CFAP46: variants seen among roughly 807,000 people sequenced by gnomAD.
CFAP46 encodes cilia and flagella associated protein 46.
Under a neutral mutation model 325.7 loss-of-function variants are expected in CFAP46, and 245 were observed. That is an observed-to-expected ratio of 0.75 (90% confidence interval 0.68 to 0.84). CFAP46 has a LOEUF of 0.84. CFAP46 is among the 40% of genes least tolerant of loss of function. The pLI is 0.00. For missense variants in CFAP46, 3,346 were observed against 3,543.0 expected, an observed-to-expected ratio of 0.94 and a Z score of 1.41; for synonymous variants, 1,523 against 1,495.9, an observed-to-expected ratio of 1.02 and a Z score of -0.42.
In CFAP46 at chr10:132,888,439, C is replaced by A. The variant is rs1204320260; in HGVS notation, c.3305-2480G>T. Among the ~76,000 whole-genome samples, 6 of 68,552 alleles carry A rather than the reference C, an allele frequency of 8.8e-5. 1 individual carries two copies. The highest frequency in any genetic ancestry group is 6.8e-4 in the East Asian group (2 of 2,946). The allele number at this position is 68,552 out of a possible 152,430, so 45.0% of individuals were successfully genotyped here. A position where few individuals can be genotyped will look rare whatever the true frequency, so the allele number is the denominator to read the frequency against. On this transcript the variant is annotated intron_variant, in intron 25 of 57. Coordinates refer to ENST00000368586, the MANE Select transcript of CFAP46 (RefSeq NM_001200049.3). ...CCGCCTTCACCCCTGCCGCCTGTAC[C>A]CCTGCCACCTTCACCCCTGCCGCCT...
chr10:132,813,339 TCTGCACACACCTGCCC>T (rs1364610146), intron 54 of CFAP46, among the ~76,000 whole-genome samples: 30 of 40,308 alleles, frequency 7.4e-4, no homozygotes, highest in African/African-American at 2.5e-3. Context: ...AGTGCCACCC[TCTGCACACACCTGCCC>T]CTGCACACAC....
Position 132,808,886 on chromosome 10 carries a change from A to G in CFAP46, c.7683T>C (p.Leu2561=). Residue 2561 remains leucine (L), a synonymous_variant, in exon 58 of 58, where the codon CTT becomes CTC. Transcript: ENST00000368586. The surrounding 1 kb of genome is among the most constrained non-coding windows in gnomAD (Gnocchi z 6.8). ...TTGGAGCAGCAGCAGCTTGTCCTTC[A>G]AGGTCTGAGAAGCCTCGTCTGTGGA... The part of the protein sequence containing the change: ...GGEPRRGFSD[L]EGQAAAAPKL... 2 of 1,591,268 alleles carry G rather than the reference A, an allele frequency of 1.3e-6. No homozygotes were observed. The highest frequency in any genetic ancestry group is 8.6e-7 in the Non-Finnish European group (1 of 1,164,316).
At chr10:132,859,622 G>A (rs988122826) in intron 37 of CFAP46, among the ~76,000 whole-genome samples, 1 of 152,192 alleles carries the variant, frequency 6.6e-6, no homozygotes, top group African/African-American at 2.4e-5. Flanking sequence ...CCCAGGGCAA[G>A]GTCGGGAGGG....
chr10:132,913,368 G>GGT, intron 17 of CFAP46, 110 bp from the exon 18 acceptor site: 1 of 540,498 alleles, frequency 1.9e-6, no homozygotes, highest in Non-Finnish European at 3.3e-6. Context: ...CAAGAAGTGG[G>GGT]AGGGGCGGGT....
At chr10:132,885,800 G>A (rs902792848) in intron 26 of CFAP46, 21 bp downstream of exon 26, 1 of 1,539,694 alleles carries the variant, frequency 6.5e-7, no homozygotes, top group African/African-American at 1.4e-5. Flanking sequence ...AGCACTCACA[G>A]GCGGTGGGGG....
chr10:132,815,522 G>A lies in CFAP46; in HGVS notation c.7118-608C>T, dbSNP rs150942076. 4.1e-3 allele frequency among the ~76,000 whole-genome samples: 627 copies of A among 152,352 alleles called. 5 individuals are homozygous for A. The highest frequency in any genetic ancestry group is 0.014 in the African/African-American group (595 of 41,576). ...TTTCTTTATCAGGATGGGGCATTGCGTTTGGTTCCTGGCTCACGAAGTAAA... is the reference window on the plus strand; with the variant it reads ...TTTCTTTATCAGGATGGGGCATTGCATTTGGTTCCTGGCTCACGAAGTAAA... On this transcript the variant is annotated intron_variant, in intron 50 of 57. Coordinates refer to ENST00000368586, the MANE Select transcript of CFAP46 (RefSeq NM_001200049.3).
intron 24 of CFAP46, 136 bp downstream of exon 24, chr10:132,898,823 C>G: frequency 8.2e-7 from 1 of 1,221,586 alleles, no homozygotes; most frequent in East Asian, 2.5e-5. Context: ...AACCCCCTCC[C>G]CTCCTCGGCT....
In CFAP46 at chr10:132,836,914, C is replaced by T; in HGVS notation, c.6439G>A (p.Ala2147Thr). The T allele has an allele frequency of 1.2e-6, 2 of 1,613,494 alleles. No homozygotes were observed. Among genetic ancestry groups the T allele is most frequent in the Non-Finnish European group, 1.7e-6 (2 of 1,179,626 alleles). Residue 2147 changes from alanine (A) to threonine (T), a missense_variant and splice_region_variant, in exon 45 of 58, where the codon GCT (alanine) becomes ACT (threonine). Physicochemically the swap from Ala to Thr is moderately conservative, Grantham distance 58. Coordinates refer to ENST00000368586, the MANE Select transcript of CFAP46 (RefSeq NM_001200049.3). ...TCAGTGACGCAGAGATTTTGCCAAG[C>T]CTGTGTGGCGAAAAACGGCCATCAG... ...VEQRLAAVSKAWQNLCVTEQH... is the reference protein window; with the variant it reads ...VEQRLAAVSKTWQNLCVTEQH...
intron 6 of CFAP46, 143 bp downstream of exon 6, chr10:132,937,409 T>C: frequency 1.1e-6 from 1 of 900,846 alleles, no homozygotes; most frequent in Non-Finnish European, 1.7e-6. Flanking sequence ...CTTTTTAATA[T>C]GCTTATGTAA....
chr10:132,883,641 G>C (rs1055501970), intron 27 of CFAP46, among the ~76,000 whole-genome samples: 3 of 152,232 alleles, frequency 2.0e-5, no homozygotes, highest in Non-Finnish European at 4.4e-5. Flanking sequence ...ACGAGGACCG[G>C]GCCACGCCAG....
In CFAP46 at chr10:132,858,717, C is replaced by T. The variant is rs552862917; in HGVS notation, c.5375+354G>A. ...GGCCTGGGCATGTGTGTGCAATGCG[C>T]GTGTGCCTGTGGCTGGTGGGGGTGG... is the stretch of plus-strand genomic sequence containing the variant. On this transcript the variant is annotated intron_variant, in intron 38 of 57. Coordinates refer to ENST00000368586, the MANE Select transcript of CFAP46 (RefSeq NM_001200049.3). Among the ~76,000 whole-genome samples the T allele has an allele frequency of 7.2e-4, 109 of 151,488 alleles. 1 individual carries two copies. Among genetic ancestry groups the T allele is most frequent in the African/African-American group, 2.4e-3 (100 of 41,244 alleles).
intron 33 of CFAP46, among the ~76,000 whole-genome samples, chr10:132,868,998 G>T (rs1332715437): frequency 6.6e-6 from 1 of 152,222 alleles, no homozygotes; most frequent in Admixed American, 6.5e-5. Context: ...AAGGGTCCAG[G>T]GCCCGGCAGC....
chr10:132,920,224 C>T, intron 13 of CFAP46, 42 bp from the exon 14 acceptor site: 2 of 1,500,720 alleles, frequency 1.3e-6, no homozygotes, highest in Non-Finnish European at 1.8e-6. Context: ...AGCTGCTGGC[C>T]AAGGGCCGGG....
intron 5 of CFAP46, among the ~76,000 whole-genome samples, chr10:132,938,237 A>G (rs1850040870): frequency 6.6e-6 from 1 of 152,248 alleles, no homozygotes; most frequent in Admixed American, 6.5e-5. Flanking sequence ...GACTCTGCTT[A>G]GTTTTACGCT....
At chr10:132,911,421 A>G (rs1413108716) in intron 19 of CFAP46, among the ~76,000 whole-genome samples, 1 of 152,180 alleles carries the variant, frequency 6.6e-6, no homozygotes. Flanking sequence ...GATGAGCTTT[A>G]GCACAAAGTC....
At chr10:132,917,376 G>A (rs558217321) in intron 16 of CFAP46, among the ~76,000 whole-genome samples, 55 of 152,358 alleles carry the variant, frequency 3.6e-4, no homozygotes, top group African/African-American at 9.6e-4. Flanking sequence ...CGGTGGCTGC[G>A]AGCTCGGACC....
chr10:132,867,406 C>T lies in CFAP46; in HGVS notation c.4712G>A (p.Gly1571Glu), dbSNP rs1848831735. ...LNEQTLPVQP[G>E]EIKPLDAKDK... is the part of the protein sequence containing the mutation. ...CTTGGCGTCCAGTGGTTTGATCTCCCCAGGCTGGACAGGAAGTGTCTGCTC... is the reference window on the plus strand; with the variant it reads ...CTTGGCGTCCAGTGGTTTGATCTCCTCAGGCTGGACAGGAAGTGTCTGCTC... The change falls in exon 34 of 58, where the codon GGG (glycine) becomes GAG (glutamate). Residue 1571 changes from glycine to glutamate, a missense_variant. By Grantham distance (98) the Gly-to-Glu change is moderately conservative. Coordinates refer to ENST00000368586, the MANE Select transcript of CFAP46 (RefSeq NM_001200049.3). 5 of 1,550,422 alleles carry T rather than the reference C, an allele frequency of 3.2e-6. No homozygotes were observed. Among genetic ancestry groups the T allele is most frequent in the African/African-American group, 1.4e-5 (1 of 73,036 alleles).
chr10:132,886,168 C>G lies in CFAP46; in HGVS notation c.3305-209G>C, dbSNP rs1046857721. ...GCCCCACAGTGGCCACCCGGGATGC[C>G]CTTTCCGTTGCAGGAAGCAGCTGTC... is the stretch of plus-strand genomic sequence containing the variant. On this transcript the variant is annotated intron_variant, in intron 25 of 57. Coordinates refer to ENST00000368586, the MANE Select transcript of CFAP46 (RefSeq NM_001200049.3). The surrounding 1 kb of genome is among the most constrained non-coding windows in gnomAD (Gnocchi z 5.8). Among the ~76,000 whole-genome samples the G allele has an allele frequency of 8.5e-5, 13 of 152,306 alleles. No homozygotes were observed. Among genetic ancestry groups the G allele is most frequent in the Admixed American group, 8.5e-4 (13 of 15,304 alleles).
In CFAP46 at chr10:132,808,431, A is replaced by C. The variant is rs1177991717; in HGVS notation, c.8138T>G (p.Phe2713Cys). 1 of 1,601,000 alleles carries C rather than the reference A, an allele frequency of 6.2e-7. No individual in the cohort carries two copies. The highest frequency in any genetic ancestry group is 1.7e-5 in the Admixed American group (1 of 59,604). The change falls in exon 58 of 58, where the codon TTT becomes TGT. Residue 2713 changes from phenylalanine to cysteine, a missense_variant. Transcript: ENST00000368586. This position sits in a 1 kb window ranked among gnomAD's most constrained non-coding sequence, Gnocchi z 6.8. ...DQKTIQTVSL[F>C]LI ...TGTTTAGTGGAACACTCAAATCAAA[A>C]ACAGGCTCACGGTCTGAATAGTCTT... is the stretch of plus-strand genomic sequence containing the variant.
Sources: allele counts gnomAD v4.1 joint callset (sites outside exome capture counted in the v4.1 genomes callset), GRCh38; gene constraint gnomAD v4.1.1; non-coding constraint Gnocchi (gnomAD v3.1); transcripts MANE v1.5; gene names NCBI Gene and HGNC (gene_info 2026-07-23, HGNC 2026-07-21).